The following NGEF variants were observed in gnomAD, a reference collection of about 807,000 sequenced individuals.
NGEF encodes neuronal guanine nucleotide exchange factor.
A neutral mutation model predicts 80.9 loss-of-function variants in NGEF; 31 were observed. The ratio of observed to expected loss-of-function variants is 0.38; its 90% CI spans 0.29 to 0.52. The LOEUF is 0.52. Ranked by LOEUF, NGEF falls within the 20% of genes least tolerant of loss-of-function variation. The pLI, the probability that NGEF is intolerant of heterozygous loss-of-function variation, is 0.84. For synonymous variants in NGEF, 371 were observed against 370.2 expected, an observed-to-expected ratio of 1.00 and a Z score of -0.03; for missense variants, 709 against 926.2, an observed-to-expected ratio of 0.77 and a Z score of 3.04.
intron 3 of NGEF, among the ~76,000 whole-genome samples, chr2:232,957,913 G>GAGCTGTCAAAAGTATATGAAATT (rs1389643598): frequency 6.6e-6 from 1 of 152,220 alleles, no homozygotes; most frequent in East Asian, 1.9e-4. Context: ...AAATAAGATA[G>GAGCTGTCAAAAGTATATGAAATT]AGCTGTCAAA....
intron 1 of NGEF, among the ~76,000 whole-genome samples, chr2:232,992,059 C>A (rs1210283016): frequency 6.6e-6 from 1 of 152,128 alleles, no homozygotes; most frequent in African/African-American, 2.4e-5. Context: ...TACCTCACAT[C>A]ATATACAAAG....
chr2:232,928,092 G>C (rs1295239013), intron 3 of NGEF: 3 of 1,088,598 alleles, frequency 2.8e-6, no homozygotes, highest in African/African-American at 3.4e-5. Flanking sequence ...TGCGGAGCGG[G>C]GTCGCAGCGC....
intron 1 of NGEF, among the ~76,000 whole-genome samples, chr2:232,985,810 G>T (rs187460156): frequency 6.7e-6 from 1 of 150,226 alleles, no homozygotes; most frequent in Non-Finnish European, 1.5e-5. Flanking sequence ...GTGGTGGCGG[G>T]CACCTGTAAT....
chr2:232,906,226 T>C (rs1226757677), intron 5 of NGEF, among the ~76,000 whole-genome samples: 2 of 48,586 alleles, frequency 4.1e-5, no homozygotes, highest in Non-Finnish European at 7.7e-5. Flanking sequence ...TGGGGGGGGG[T>C]CAGCCCCCCG....
At chr2:232,975,692 AG>A (rs940587296) in intron 1 of NGEF, among the ~76,000 whole-genome samples, 2 of 152,150 alleles carry the variant, frequency 1.3e-5, no homozygotes, top group African/African-American at 4.8e-5. Flanking sequence ...AGGGGTGCTC[AG>A]GGCGAGAGAC....
At chr2:232,906,010 G>C (rs1300972611) in intron 5 of NGEF, among the ~76,000 whole-genome samples, 2 of 135,248 alleles carry the variant, frequency 1.5e-5, no homozygotes, top group Non-Finnish European at 3.2e-5. Flanking sequence ...CGCCCCGTCC[G>C]GGAGGGAGGT....
intron 3 of NGEF, among the ~76,000 whole-genome samples, chr2:232,937,321 T>C (rs979536143): frequency 6.6e-6 from 1 of 152,212 alleles, no homozygotes; most frequent in African/African-American, 2.4e-5. Flanking sequence ...CTTCCTTTCC[T>C]CTGGTCTCTT....
intron 1 of NGEF, among the ~76,000 whole-genome samples, chr2:232,999,313 T>C (rs1176936688): frequency 6.6e-6 from 1 of 152,094 alleles, no homozygotes; most frequent in Non-Finnish European, 1.5e-5. Flanking sequence ...ATGTTCAATA[T>C]AAAAATTGGA....
intron 12 of NGEF, 94 bp downstream of exon 12, chr2:232,883,217 T>G: frequency 2.1e-6 from 3 of 1,412,366 alleles, no homozygotes; most frequent in Non-Finnish European, 2.9e-6. Flanking sequence ...GCGTGTGTGG[T>G]GCCTTGTTCC....
intron 1 of NGEF, among the ~76,000 whole-genome samples, chr2:232,989,970 A>G (rs1040343511): frequency 6.6e-6 from 1 of 152,216 alleles, no homozygotes; most frequent in African/African-American, 2.4e-5. Context: ...GAGACTGTGT[A>G]CATTTAAACA....
At chr2:232,929,169 GGTGGA>G (rs1693164419) in intron 3 of NGEF, among the ~76,000 whole-genome samples, 1 of 152,230 alleles carries the variant, frequency 6.6e-6, no homozygotes, top group Non-Finnish European at 1.5e-5. Flanking sequence ...CAGGGGCAGG[GGTGGA>G]GTGCGGAGCA....
chr2:232,908,327 T>A (rs1444052895), intron 5 of NGEF, among the ~76,000 whole-genome samples: 1 of 152,120 alleles, frequency 6.6e-6, no homozygotes, highest in Non-Finnish European at 1.5e-5. Context: ...CTAGAAAGTA[T>A]ACAAATATAT....
intron 4 of NGEF, among the ~76,000 whole-genome samples, chr2:232,925,086 C>T (rs537647029): frequency 2.6e-5 from 4 of 152,246 alleles, no homozygotes; most frequent in South Asian, 2.1e-4. Flanking sequence ...TACATTTAGT[C>T]GGCACAACTT....
At chr2:232,951,446 C>G (rs1318565119) in intron 3 of NGEF, among the ~76,000 whole-genome samples, 1 of 152,196 alleles carries the variant, frequency 6.6e-6, no homozygotes, top group East Asian at 1.9e-4. Context: ...GAATTTGCAA[C>G]CTGGGAAGAC....
At chr2:233,008,503 G>A (rs910461132) in intron 1 of NGEF, among the ~76,000 whole-genome samples, 1 of 152,222 alleles carries the variant, frequency 6.6e-6, no homozygotes, top group African/African-American at 2.4e-5. Context: ...CACTCCAAAA[G>A]TCAGCACCTT....
chr2:232,894,942 C>T, intron 5 of NGEF, 26 bp from the exon 6 acceptor site: 1 of 1,540,454 alleles, frequency 6.5e-7, no homozygotes, highest in Non-Finnish European at 8.9e-7. Flanking sequence ...CCCATGGTTA[C>T]CGCCTGAAGT....
At chr2:232,971,482 C>T (rs978812066) in intron 2 of NGEF, among the ~76,000 whole-genome samples, 12 of 152,056 alleles carry the variant, frequency 7.9e-5, no homozygotes, top group African/African-American at 4.8e-5. Flanking sequence ...GTCAGGAGTT[C>T]GAAACCAGCC....
At chr2:232,881,318 C>G in intron 13 of NGEF, 68 bp from the exon 14 acceptor site, 1 of 1,239,698 alleles carries the variant, frequency 8.1e-7, no homozygotes, top group Non-Finnish European at 1.2e-6. Context: ...CCACCAAGCC[C>G]GCAGCTGAGC....
chr2:233,004,271 G>T (rs1474055147), intron 1 of NGEF, among the ~76,000 whole-genome samples: 1 of 151,946 alleles, frequency 6.6e-6, no homozygotes, highest in Admixed American at 6.6e-5. Flanking sequence ...CCTTCTTCTG[G>T]GGACTCCTCC....
Sources: gnomAD v4.1 joint callset for allele counts (sites outside exome capture counted in the v4.1 genomes callset) on GRCh38, gnomAD v4.1.1 for gene constraint, MANE v1.5 for transcripts, NCBI Gene and HGNC (gene_info 2026-07-23, HGNC 2026-07-21) for gene names.